The following ATP6V1H variants were observed in gnomAD, a reference collection of about 807,000 sequenced individuals.
ATP6V1H encodes V-type proton ATPase subunit H.
Under a neutral mutation model 71.7 loss-of-function variants are expected in ATP6V1H, and 39 were observed. That is an observed-to-expected ratio of 0.54 (90% confidence interval 0.42 to 0.71). The LOEUF is 0.71. Ranked by LOEUF, ATP6V1H falls within the 30% of genes least tolerant of loss-of-function variation. ATP6V1H has a pLI of 0.00. For missense variants in ATP6V1H, 509 were observed against 594.9 expected (o/e 0.86, Z 1.50); for synonymous variants, 192 against 199.3 (o/e 0.96, Z 0.31).
intron 10 of ATP6V1H, among the ~76,000 whole-genome samples, chr8:53,770,776 TCTTATTTTTTG>T (rs977337544): frequency 6.6e-6 from 1 of 152,182 alleles, no homozygotes; most frequent in African/African-American, 2.4e-5. Flanking sequence ...CTATCACTAA[TCTTATTTTTTG>T]CAAAAACAGG....
At chr8:53,755,819 G>A (rs540780515) in intron 12 of ATP6V1H, among the ~76,000 whole-genome samples, 3 of 99,448 alleles carry the variant, frequency 3.0e-5, no homozygotes, top group East Asian at 5.5e-4. Context: ...GTGCAGTGGC[G>A]GGATCTCGGC....
chr8:53,726,679 C>G (rs1404785398), intron 13 of ATP6V1H, among the ~76,000 whole-genome samples: 1 of 152,140 alleles, frequency 6.6e-6, no homozygotes, highest in Non-Finnish European at 1.5e-5. Flanking sequence ...GAACATCTAC[C>G]CATCTACTGT....
In ATP6V1H at chr8:53,816,784, G is replaced by A. The variant is rs538303039; in HGVS notation, c.420+633C>T. On this transcript the variant is annotated intron_variant, in intron 5 of 13. Coordinates refer to ENST00000359530, the MANE Select transcript of ATP6V1H (RefSeq NM_015941.4). ...GCACTTCAGTCTGGCAACAGAGTGA[G>A]ACCCCGTCTCAAAAAAAAAACCAGA... Among the ~76,000 whole-genome samples the A allele has an allele frequency of 3.5e-3, 535 of 151,974 alleles. 1 individual carries two copies. Among genetic ancestry groups the A allele is most frequent in the African/African-American group, 0.012 (503 of 41,434 alleles).
chr8:53,815,221 A>G (rs1031340815), intron 5 of ATP6V1H, among the ~76,000 whole-genome samples: 1 of 152,184 alleles, frequency 6.6e-6, no homozygotes, highest in Non-Finnish European at 1.5e-5. Flanking sequence ...AGGATAATAT[A>G]CATCCTAGGT....
chr8:53,786,391 G>A (rs1469219113), intron 9 of ATP6V1H, among the ~76,000 whole-genome samples: 17 of 152,270 alleles, frequency 1.1e-4, no homozygotes, highest in South Asian at 4.1e-4. Context: ...TTGGAAAAGC[G>A]CAGTATTAGG....
At chr8:53,821,067 AG>A (rs1394648812) in intron 4 of ATP6V1H, among the ~76,000 whole-genome samples, 14 of 140,508 alleles carry the variant, frequency 1.0e-4, no homozygotes, top group Admixed American at 4.8e-4. Flanking sequence ...GCATCTCACC[AG>A]AAAAAAAAAA....
intron 9 of ATP6V1H, among the ~76,000 whole-genome samples, chr8:53,791,984 A>T (rs1296357784): frequency 6.6e-6 from 1 of 152,244 alleles, no homozygotes. Context: ...TGCTTTTACT[A>T]AATAAATACG....
chr8:53,794,562 C>T (rs1239988592), intron 9 of ATP6V1H, among the ~76,000 whole-genome samples: 1 of 152,118 alleles, frequency 6.6e-6, no homozygotes, highest in Admixed American at 6.6e-5. Context: ...GACGGGGTTT[C>T]ACTGTGTTGG....
At chr8:53,807,783 A>G (rs1359523410) in intron 7 of ATP6V1H, among the ~76,000 whole-genome samples, 1 of 152,236 alleles carries the variant, frequency 6.6e-6, no homozygotes, top group Non-Finnish European at 1.5e-5. Context: ...GAATGGCAAA[A>G]TGATGCATTT....
intron 11 of ATP6V1H, among the ~76,000 whole-genome samples, chr8:53,767,991 G>A (rs1808527535): frequency 6.6e-6 from 1 of 152,176 alleles, no homozygotes; most frequent in South Asian, 2.1e-4. Context: ...TCAACAAAGT[G>A]ATAAGATAAC....
At chr8:53,757,647 A>T (rs1215770159) in intron 11 of ATP6V1H, among the ~76,000 whole-genome samples, 3 of 152,250 alleles carry the variant, frequency 2.0e-5, no homozygotes, top group Non-Finnish European at 4.4e-5. Context: ...GCAACTCAGA[A>T]ATAGATACAC....
At chr8:53,751,506 C>T (rs1807796823) in intron 12 of ATP6V1H, among the ~76,000 whole-genome samples, 1 of 152,188 alleles carries the variant, frequency 6.6e-6, no homozygotes, top group Admixed American at 6.5e-5. Flanking sequence ...GAGTATAAAA[C>T]TGCTTTTCCA....
chr8:53,814,194 C>T (rs1360809536), intron 6 of ATP6V1H, among the ~76,000 whole-genome samples: 1 of 152,110 alleles, frequency 6.6e-6, no homozygotes. Context: ...TCTCCAAAAA[C>T]CAAGATTTCT....
At chr8:53,782,934 T>C (rs1809215841) in intron 9 of ATP6V1H, among the ~76,000 whole-genome samples, 1 of 152,194 alleles carries the variant, frequency 6.6e-6, no homozygotes, top group Non-Finnish European at 1.5e-5. Flanking sequence ...TGCTGCTGGA[T>C]TCGGTTTGCC....
chr8:53,837,622 A>C (rs552183813), intron 2 of ATP6V1H, among the ~76,000 whole-genome samples: 1 of 152,302 alleles, frequency 6.6e-6, no homozygotes, highest in Admixed American at 6.5e-5. Context: ...CACAGGTCCA[A>C]GGAGCTGAGG....
chr8:53,810,050 G>C (rs574694094), intron 7 of ATP6V1H, among the ~76,000 whole-genome samples: 3 of 152,134 alleles, frequency 2.0e-5, no homozygotes. Context: ...ATACATACCC[G>C]TGACATTCAT....
chr8:53,828,327 G>A lies in ATP6V1H; in HGVS notation c.306+1117C>T, dbSNP rs374361224. ...ACTGTTACAGAAGAGGTACACATAC[G>A]GAAAGGAGAGACAAAGAACCCTGTG... On this transcript the variant is annotated intron_variant, in intron 4 of 13. Transcript: ENST00000359530. Among the ~76,000 whole-genome samples the A allele has an allele frequency of 1.9e-4, 29 of 152,270 alleles. No homozygotes were observed. The East Asian group carries it at 3.5e-3, about 18-fold the overall frequency.
intron 9 of ATP6V1H, among the ~76,000 whole-genome samples, chr8:53,784,864 C>A (rs1272886300): frequency 1.3e-5 from 2 of 152,148 alleles, no homozygotes; most frequent in Non-Finnish European, 2.9e-5. Context: ...TGAATATTGG[C>A]CCCCACTCTC....
At chr8:53,824,455 C>T (rs1393685741) in intron 4 of ATP6V1H, among the ~76,000 whole-genome samples, 1 of 152,066 alleles carries the variant, frequency 6.6e-6, no homozygotes, top group East Asian at 1.9e-4. Context: ...CACATATGAA[C>T]ACTGAGGCAA....
Sources: allele counts gnomAD v4.1 joint callset (sites outside exome capture counted in the v4.1 genomes callset), GRCh38; gene constraint gnomAD v4.1.1; transcripts MANE v1.5; gene names NCBI Gene and HGNC (gene_info 2026-07-23, HGNC 2026-07-21).